The following COL23A1 variants were observed in gnomAD, a reference collection of about 807,000 sequenced individuals.
The protein encoded by COL23A1 is collagen type XXIII alpha 1 chain, also known as collagen alpha-1(XXIII) chain.
A neutral mutation model predicts 99.3 loss-of-function variants in COL23A1; 97 were observed. That is an observed-to-expected ratio of 0.98 (90% confidence interval 0.83 to 1.16). COL23A1 has a LOEUF of 1.16. Among genes scored for constraint, COL23A1 ranks in the 50% most tolerant of loss-of-function variants. The pLI is 0.00. For synonymous variants in COL23A1, 320 were observed against 308.2 expected (o/e 1.04, Z -0.40); for missense variants, 762 against 757.4 (o/e 1.01, Z -0.07).
intron 2 of COL23A1, among the ~76,000 whole-genome samples, chr5:178,441,229 G>A (rs1766847489): frequency 1.3e-5 from 2 of 152,116 alleles, no homozygotes; most frequent in South Asian, 4.1e-4. Flanking sequence ...AAAGCTGTTT[G>A]TTGGCTGACA....
chr5:178,349,454 C>A (rs1029787266), intron 2 of COL23A1, among the ~76,000 whole-genome samples: 2 of 151,930 alleles, frequency 1.3e-5, no homozygotes, highest in Non-Finnish European at 2.9e-5. Flanking sequence ...GATTTGGCAG[C>A]AGACAAAAGT....
chr5:178,526,213 C>T (rs541513532), intron 2 of COL23A1, among the ~76,000 whole-genome samples: 1 of 152,322 alleles, frequency 6.6e-6, no homozygotes, highest in Admixed American at 6.5e-5. Context: ...CCTTCCCATA[C>T]TTCCAGTAGT....
chr5:178,390,224 T>C (rs1763894284), intron 2 of COL23A1, among the ~76,000 whole-genome samples: 1 of 152,166 alleles, frequency 6.6e-6, no homozygotes, highest in Non-Finnish European at 1.5e-5. Flanking sequence ...AACCAAGATA[T>C]TTTAAGAGAG....
At chr5:178,562,918 C>T (rs891057794) in intron 1 of COL23A1, among the ~76,000 whole-genome samples, 1 of 152,150 alleles carries the variant, frequency 6.6e-6, no homozygotes, top group Non-Finnish European at 1.5e-5. Context: ...GTGCATTTTA[C>T]AAACCTCTAG....
chr5:178,276,503 G>A (rs2973761), intron 5 of COL23A1, among the ~76,000 whole-genome samples: 95,999 of 152,038 alleles, frequency 0.63, 31,192 homozygotes, highest in Non-Finnish European at 0.72. Context: ...TACAAGGCTG[G>A]TGGGGCCTGA....
At chr5:178,377,684 G>A (rs943680922) in intron 2 of COL23A1, among the ~76,000 whole-genome samples, 2 of 152,180 alleles carry the variant, frequency 1.3e-5, no homozygotes, top group African/African-American at 2.4e-5. Flanking sequence ...GTGGCGTGGA[G>A]GTGGTGTGGA....
At chr5:178,501,857 G>A (rs760118535) in intron 2 of COL23A1, among the ~76,000 whole-genome samples, 5 of 152,176 alleles carry the variant, frequency 3.3e-5, no homozygotes, top group Non-Finnish European at 5.9e-5. Context: ...CCCTGCCTTG[G>A]GTGTCAGCAG....
At chr5:178,324,486 A>G (rs1191877615) in intron 2 of COL23A1, among the ~76,000 whole-genome samples, 2 of 152,102 alleles carry the variant, frequency 1.3e-5, no homozygotes, top group Non-Finnish European at 2.9e-5. Flanking sequence ...TACAATGACC[A>G]CGACCGCTGC....
At chr5:178,263,488 G>C (rs1391960008) in intron 8 of COL23A1, among the ~76,000 whole-genome samples, 164 bp from the exon 9 acceptor site, 9 of 152,210 alleles carry the variant, frequency 5.9e-5, no homozygotes, top group Non-Finnish European at 1.2e-4. Flanking sequence ...ATTGGGAGCT[G>C]CATGAAGGAA....
intron 3 of COL23A1, among the ~76,000 whole-genome samples, chr5:178,304,790 G>A (rs1383436669): frequency 6.6e-6 from 1 of 152,170 alleles, no homozygotes; most frequent in Non-Finnish European, 1.5e-5. Flanking sequence ...CCTCTGGCAA[G>A]GTACTGTACC....
intron 2 of COL23A1, among the ~76,000 whole-genome samples, chr5:178,318,549 G>A (rs939670188): frequency 6.6e-5 from 10 of 152,238 alleles, no homozygotes; most frequent in Admixed American, 3.3e-4. Flanking sequence ...CTGAAGGGCC[G>A]AAGGGGCCGG....
At chr5:178,505,577 C>T (rs1229897386) in intron 2 of COL23A1, among the ~76,000 whole-genome samples, 3 of 152,060 alleles carry the variant, frequency 2.0e-5, no homozygotes, top group Non-Finnish European at 4.4e-5. Context: ...CATGAGGCCA[C>T]GGTTATATTG....
At chr5:178,553,897 G>T (rs957991286) in intron 2 of COL23A1, among the ~76,000 whole-genome samples, 9 of 152,116 alleles carry the variant, frequency 5.9e-5, no homozygotes, top group African/African-American at 2.2e-4. Flanking sequence ...GACTGATGGC[G>T]ACGGACCTAA....
chr5:178,269,317 A>C, intron 6 of COL23A1, among the ~76,000 whole-genome samples: 1 of 149,460 alleles, frequency 6.7e-6, no homozygotes, highest in Non-Finnish European at 1.5e-5. Context: ...CCATCCATCC[A>C]TCCATCCATC....
At chr5:178,252,430 G>T in intron 17 of COL23A1, 114 bp downstream of exon 17, 1 of 973,886 alleles carries the variant, frequency 1.0e-6, no homozygotes, top group Non-Finnish European at 1.5e-6. Flanking sequence ...GCTCCCGGAA[G>T]CCAGGCCAGG....
intron 17 of COL23A1, among the ~76,000 whole-genome samples, chr5:178,250,855 C>T (rs1272671168): frequency 6.6e-6 from 1 of 151,746 alleles, no homozygotes; most frequent in Non-Finnish European, 1.5e-5. Context: ...GTGGCACAGG[C>T]CTGTAATACC....
At chr5:178,488,368 C>T (rs1427960560) in intron 2 of COL23A1, among the ~76,000 whole-genome samples, 1 of 152,138 alleles carries the variant, frequency 6.6e-6, no homozygotes, top group African/African-American at 2.4e-5. Context: ...TCTCACAGAT[C>T]AGAGCAGAAT....
At chr5:178,573,009 A>G (rs900048786) in intron 1 of COL23A1, among the ~76,000 whole-genome samples, 1 of 152,198 alleles carries the variant, frequency 6.6e-6, no homozygotes, top group African/African-American at 2.4e-5. Flanking sequence ...ACAGAAATCA[A>G]TAGTAACAAA....
At position 178,387,279 on chromosome 5, in the gene COL23A1, C is replaced by T. The variant is rs1260696899; in HGVS notation, c.362-80360G>A. Among the ~76,000 whole-genome samples, 2 of 152,162 alleles carry T rather than the reference C, an allele frequency of 1.3e-5. No individual in the cohort carries two copies. Among genetic ancestry groups the T allele is most frequent in the Non-Finnish European group, 2.9e-5 (2 of 68,036 alleles). ...GGTGATCACCCCTTATGCCTGGGCC[C>T]AGACTCCCCACTTCTCTTCCTCGTC... On this transcript the variant is annotated intron_variant, in intron 2 of 28. Transcript: ENST00000390654. This position sits in a 1 kb window ranked among gnomAD's most constrained non-coding sequence, Gnocchi z 4.7.
Sources: allele counts gnomAD v4.1 joint callset (sites outside exome capture counted in the v4.1 genomes callset), GRCh38; gene constraint gnomAD v4.1.1; non-coding constraint Gnocchi (gnomAD v3.1); transcripts MANE v1.5; gene names NCBI Gene and HGNC (gene_info 2026-07-23, HGNC 2026-07-21).